CORO2B: variants seen among roughly 807,000 people sequenced by gnomAD.
CORO2B encodes coronin 2B.
In CORO2B, 26 loss-of-function variants were observed where a neutral mutation model predicts 58.8. The ratio of observed to expected loss-of-function variants is 0.44; its 90% CI spans 0.32 to 0.61. The LOEUF (loss-of-function observed/expected upper bound fraction) is 0.61. CORO2B is among the 20% of genes least tolerant of loss of function. The probability of loss-of-function intolerance (pLI) is 0.04; values close to 1 mark genes in which losing one functional copy is unlikely to be tolerated. For synonymous variants in CORO2B, 242 were observed against 253.8 expected (o/e 0.95, Z 0.44); for missense variants, 460 against 645.1 (o/e 0.71, Z 3.11).
chr15:68,644,008 G>T (rs563658989), intron 1 of CORO2B, among the ~76,000 whole-genome samples: 20 of 152,130 alleles, frequency 1.3e-4, no homozygotes, highest in African/African-American at 4.8e-4. Context: ...TTGCACTCCA[G>T]CCTGGGTGAC....
the CORO2B span, among the ~76,000 whole-genome samples, chr15:68,551,110 C>A: frequency 1.3e-5 from 2 of 152,096 alleles, no homozygotes; most frequent in Admixed American, 1.3e-4. Flanking sequence ...CCTGGGTGAC[C>A]CTGAATGGAG....
At chr15:68,589,626 T>C (rs1370398152) in intron 1 of CORO2B, among the ~76,000 whole-genome samples, 1 of 152,246 alleles carries the variant, frequency 6.6e-6, no homozygotes, top group Non-Finnish European at 1.5e-5. Flanking sequence ...AAGTTACTGC[T>C]CAGGTTGGGT....
chr15:68,581,960 C>T (rs1485484798), intron 1 of CORO2B, among the ~76,000 whole-genome samples: 1 of 152,126 alleles, frequency 6.6e-6, no homozygotes, highest in African/African-American at 2.4e-5. Flanking sequence ...GTCCTCTGGG[C>T]CAGGGTTAGG....
intron 3 of CORO2B, among the ~76,000 whole-genome samples, chr15:68,701,032 G>A (rs937936295): frequency 1.3e-5 from 2 of 152,184 alleles, no homozygotes; most frequent in African/African-American, 4.8e-5. Context: ...CCTGCTGGAA[G>A]CCACCCACCA....
At chr15:68,653,730 G>C (rs142996755) in intron 2 of CORO2B, among the ~76,000 whole-genome samples, 1 of 149,570 alleles carries the variant, frequency 6.7e-6, no homozygotes, top group South Asian at 2.2e-4. Context: ...GCCCAGCTCA[G>C]TACTGAGGAC....
chr15:68,598,081 C>G (rs140479644), intron 1 of CORO2B, among the ~76,000 whole-genome samples: 2 of 152,250 alleles, frequency 1.3e-5, no homozygotes, highest in Non-Finnish European at 2.9e-5. Flanking sequence ...TCCAGACCCC[C>G]TCCACCACCT....
At chr15:68,547,052 A>G in the CORO2B span, among the ~76,000 whole-genome samples, 5 of 152,350 alleles carry the variant, frequency 3.3e-5, no homozygotes, top group African/African-American at 1.2e-4. Flanking sequence ...AAATAAATGC[A>G]GAAATCACAG....
At chr15:68,594,925 C>G (rs183742647) in intron 1 of CORO2B, among the ~76,000 whole-genome samples, 1 of 152,332 alleles carries the variant, frequency 6.6e-6, no homozygotes, top group Non-Finnish European at 1.5e-5. Flanking sequence ...GCTGTGTGAC[C>G]TTAGGCAAGT....
chr15:68,596,843 G>A (rs1210061613), intron 1 of CORO2B, among the ~76,000 whole-genome samples: 4 of 152,146 alleles, frequency 2.6e-5, no homozygotes, highest in Non-Finnish European at 5.9e-5. Context: ...ATCACGCAGA[G>A]CACTCCCCAC....
chr15:68,701,893 C>T (rs554509924), intron 3 of CORO2B, among the ~76,000 whole-genome samples: 1 of 152,276 alleles, frequency 6.6e-6, no homozygotes, highest in South Asian at 2.1e-4. Flanking sequence ...CCCCTAAGAA[C>T]TCCATAGACA....
At chr15:68,542,887 C>A in the CORO2B span, among the ~76,000 whole-genome samples, 1 of 152,242 alleles carries the variant, frequency 6.6e-6, no homozygotes, top group Non-Finnish European at 1.5e-5. Context: ...GGCATGTGTG[C>A]TTCCCTTTGT....
At chr15:68,642,094 T>A (rs1389289629) in intron 1 of CORO2B, among the ~76,000 whole-genome samples, 2 of 141,506 alleles carry the variant, frequency 1.4e-5, no homozygotes, top group Non-Finnish European at 3.0e-5. Flanking sequence ...TGGAGTGCAG[T>A]GGCGCGATCT....
chr15:68,519,964 A>G, the CORO2B span, among the ~76,000 whole-genome samples: 1 of 152,222 alleles, frequency 6.6e-6, no homozygotes, highest in South Asian at 2.1e-4. Flanking sequence ...AAGTTTTGAT[A>G]TATAATATTT....
At chr15:68,595,475 C>T (rs766209694) in intron 1 of CORO2B, among the ~76,000 whole-genome samples, 6 of 152,238 alleles carry the variant, frequency 3.9e-5, no homozygotes, top group Non-Finnish European at 7.3e-5. Flanking sequence ...TGCAGCAGGG[C>T]TCAGATATCC....
chr15:68,563,889 A>G, the CORO2B span, among the ~76,000 whole-genome samples: 1 of 152,210 alleles, frequency 6.6e-6, no homozygotes, highest in Non-Finnish European at 1.5e-5. Context: ...CCAACAAAGA[A>G]AGGTCCAGGA....
At chr15:68,688,317 G>GT (rs1397820495) in intron 2 of CORO2B, among the ~76,000 whole-genome samples, 2 of 152,028 alleles carry the variant, frequency 1.3e-5, no homozygotes, top group African/African-American at 2.4e-5. Context: ...TTGTAGATTG[G>GT]TTTTTTTAGA....
chr15:68,642,597 C>T (rs947868472), intron 1 of CORO2B, among the ~76,000 whole-genome samples: 2 of 152,210 alleles, frequency 1.3e-5, no homozygotes, highest in Non-Finnish European at 1.5e-5. Flanking sequence ...ATGGCCTCCA[C>T]GACTCACCTA....
intron 1 of CORO2B, among the ~76,000 whole-genome samples, chr15:68,604,641 G>T (rs571780063): frequency 1.3e-5 from 2 of 151,474 alleles, no homozygotes; most frequent in Non-Finnish European, 2.9e-5. Flanking sequence ...CCTCCCTTCT[G>T]TGTAAATTCA....
chr15:68,720,347 T>G (rs1037239499), intron 11 of CORO2B, among the ~76,000 whole-genome samples: 1 of 152,226 alleles, frequency 6.6e-6, no homozygotes, highest in African/African-American at 2.4e-5. Flanking sequence ...TGGCTCATAT[T>G]AAGTGCTCAG....
Sources: gnomAD v4.1 joint callset for allele counts (sites outside exome capture counted in the v4.1 genomes callset) on GRCh38, gnomAD v4.1.1 for gene constraint, MANE v1.5 for transcripts, NCBI Gene and HGNC (gene_info 2026-07-23, HGNC 2026-07-21) for gene names.